ALKBH4: variants seen among roughly 807,000 people sequenced by gnomAD.
ALKBH4 encodes the protein alpha-ketoglutarate-dependent dioxygenase alkB homolog 4.
In ALKBH4, 8 loss-of-function variants were observed where a neutral mutation model predicts 12.1. The ratio of observed to expected loss-of-function variants is 0.66; its 90% CI spans 0.39 to 1.19. The LOEUF is 1.19. ALKBH4 is among the 50% of genes most tolerant of loss of function. ALKBH4 has a pLI of 0.01. For synonymous variants in ALKBH4, 195 were observed against 191.6 expected (o/e 1.02, Z -0.15); for missense variants, 403 against 430.4 (o/e 0.94, Z 0.56).
chr7:102,464,694 GC>G lies in ALKBH4; in HGVS notation c.123+19del. ...ATGCAGAGCGACGTTTGTGGGCGCGGCCCCTCTCCCACCCCTTACCGCTGGG... is the reference window on the plus strand; with the variant it reads ...ATGCAGAGCGACGTTTGTGGGCGCGGCCCTCTCCCACCCCTTACCGCTGGG... On this transcript the variant is annotated intron_variant, in intron 1 of 2. Transcript: ENST00000292566. The G allele has an allele frequency of 6.7e-7, 1 of 1,501,922 alleles. No individual in the cohort carries two copies. The highest frequency in any genetic ancestry group is 8.9e-7 in the Non-Finnish European group (1 of 1,128,238). The allele number at this position is 1,501,922 out of a possible 1,614,324, so 93.0% of individuals were successfully genotyped here. A position where few individuals can be genotyped will look rare whatever the true frequency, so the allele number is the denominator to read the frequency against.
Position 102,459,717 on chromosome 7 carries a change from A to T in ALKBH4, c.208T>A (p.Phe70Ile). 6.2e-7 allele frequency: 1 copy of T among 1,614,126 alleles called. No individual in the cohort carries two copies. Among genetic ancestry groups the T allele is most frequent in the Non-Finnish European group, 8.5e-7 (1 of 1,179,994 alleles). The change falls in exon 2 of 3, where the codon TTC becomes ATC. Residue 70 changes from phenylalanine (F) to isoleucine (I), a missense_variant. Coordinates refer to ENST00000292566, the MANE Select transcript of ALKBH4 (RefSeq NM_017621.4). ...TCCTCGATCAGCATCACTCCTGGGA[A>T]GGGGAAGGCCCAGCCCTCAAAGTCA... is the stretch of plus-strand genomic sequence containing the variant. ...ESDFEGWAFP[F>I]PGVMLIEDFV...
chr7:102,457,418 G>C lies in ALKBH4; in HGVS notation c.885C>G (p.Leu295=). Residue 295 remains leucine, a synonymous_variant, in exon 3 of 3, where the codon CTC becomes CTG. Coordinates refer to ENST00000292566, the MANE Select transcript of ALKBH4 (RefSeq NM_017621.4). The surrounding 1 kb of genome is among the most constrained non-coding windows in gnomAD (Gnocchi z 5.9). The part of the protein sequence containing the change: ...ELGQELLRIA[L]SFQGRPV ...TTCACACGGGTCTTCCCTGGAAGGA[G>C]AGGGCGATCCGCAGCAGTTCCTGGC... 6.2e-7 allele frequency: 1 copy of C among 1,612,522 alleles called. No homozygotes were observed. Among genetic ancestry groups the C allele is most frequent in the East Asian group, 2.2e-5 (1 of 44,836 alleles).
rs1797655838 is a variant in ALKBH4 at position 102,456,608 on chromosome 7, C to T, written c.*786G>A. The T allele has an allele frequency of 6.6e-6, 1 of 152,144 alleles. No homozygotes were observed. The highest frequency in any genetic ancestry group is 1.5e-5 in the Non-Finnish European group (1 of 68,042). The allele number at this position is 152,144 out of a possible 1,614,324, so 9.4% of individuals were successfully genotyped here. A position where few individuals can be genotyped will look rare whatever the true frequency, so the allele number is the denominator to read the frequency against. On this transcript the variant is annotated 3_prime_UTR_variant, in exon 3 of 3. Transcript: ENST00000292566. ...GGAAGGAGGCTCTCAGATTTCCCTGCCCTCCTCACATCCCCCAACCCTCCC... is the reference window on the plus strand; with the variant it reads ...GGAAGGAGGCTCTCAGATTTCCCTGTCCTCCTCACATCCCCCAACCCTCCC...
chr7:102,464,746 C>T lies in ALKBH4; in HGVS notation c.91G>A (p.Gly31Ser). The change falls in exon 1 of 3, where the codon GGC becomes AGC. Residue 31 changes from glycine (G) to serine (S), a missense_variant. Gly to Ser is a moderately conservative substitution (Grantham distance 56, BLOSUM62 0). Transcript: ENST00000292566. ...RTCLICERQR[G>S]SDPPWELPPA... The stretch of plus-strand genomic sequence containing the variant: ...GGCAGCTCCCAGGGCGGGTCACTGC[C>T]GCGCTGCCGCTCGCAGATCAGACAG... 11 of 1,570,184 alleles carry T rather than the reference C, an allele frequency of 7.0e-6. No homozygotes were observed. The highest frequency in any genetic ancestry group is 1.2e-5 in the South Asian group (1 of 86,778).
In ALKBH4 at chr7:102,457,143, A is replaced by T; in HGVS notation, c.*251T>A. On this transcript the variant is annotated 3_prime_UTR_variant, in exon 3 of 3. Coordinates refer to ENST00000292566, the MANE Select transcript of ALKBH4 (RefSeq NM_017621.4). This position sits in a 1 kb window ranked among gnomAD's most constrained non-coding sequence, Gnocchi z 5.9. ...TGTGCCCGGCCCCCAGTATTTTTTA[A>T]GCTCAAATGATCCCATGTCCCCAAG... 2.2e-6 allele frequency: 1 copy of T among 448,016 alleles called. No individual in the cohort carries two copies. Among genetic ancestry groups the T allele is most frequent in the Non-Finnish European group, 4.0e-6 (1 of 251,038 alleles). 27.8% of individuals were successfully genotyped at this position (448,016 alleles called of 1,614,324 possible).
At chr7:102,459,485 G>A (rs1359031792) in intron 2 of ALKBH4, 119 bp downstream of exon 2, 12 of 1,284,706 alleles carry the variant, frequency 9.3e-6, no homozygotes, top group African/African-American at 4.5e-5. Context: ...TGGGGAACTC[G>A]CCCACTACCA....
chr7:102,462,374 C>CT (rs113479086), intron 1 of ALKBH4, among the ~76,000 whole-genome samples: 13,887 of 151,180 alleles, frequency 0.092, 1,219 homozygotes, highest in East Asian at 0.45. Context: ...TTTTTCTTTT[C>CT]TTTTTTTTTG....
rs55981184 is a variant in ALKBH4, at chr7:102,459,243, G to C, written c.321+361C>G. ...AGGAGTTGGAGGGAGCGGCGGGCCCGGGGAGGGGGAAGGTGGGAATGCGTG... is the reference window on the plus strand; with the variant it reads ...AGGAGTTGGAGGGAGCGGCGGGCCCCGGGAGGGGGAAGGTGGGAATGCGTG... On this transcript the variant is annotated intron_variant, in intron 2 of 2. Coordinates refer to ENST00000292566, the MANE Select transcript of ALKBH4 (RefSeq NM_017621.4). Among the ~76,000 whole-genome samples the C allele has an allele frequency of 7.3e-5, 11 of 151,418 alleles. No homozygotes were observed. In the East Asian group the frequency reaches 1.9e-3, roughly 27 times the overall value.
intron 1 of ALKBH4, among the ~76,000 whole-genome samples, chr7:102,462,105 G>C (rs956500253): frequency 6.6e-6 from 1 of 152,192 alleles, no homozygotes; most frequent in African/African-American, 2.4e-5. Context: ...CCCGTGTGTC[G>C]GCTGAGCAGG....
chr7:102,456,642 G>T lies in ALKBH4; in HGVS notation c.*752C>A, dbSNP rs1202119386. On this transcript the variant is annotated 3_prime_UTR_variant, in exon 3 of 3. Coordinates refer to ENST00000292566, the MANE Select transcript of ALKBH4 (RefSeq NM_017621.4). ...CATCCCCCAACCCTCCCTGGGCGTG[G>T]GGGTGTCAAGCATGAGTCAGGCTGA... The T allele has an allele frequency of 6.6e-6, 1 of 152,176 alleles. No homozygotes were observed. The highest frequency in any genetic ancestry group is 2.4e-5 in the African/African-American group (1 of 41,446). 9.4% of individuals were successfully genotyped at this position (152,176 alleles called of 1,614,324 possible).
rs1210298433 is a variant in ALKBH4, at chr7:102,457,498, T to C, written c.805A>G (p.Thr269Ala). The C allele has an allele frequency of 1.9e-6, 3 of 1,613,234 alleles. No individual in the cohort carries two copies. Among genetic ancestry groups the C allele is most frequent in the African/African-American group, 2.7e-5 (2 of 74,882 alleles). The change falls in exon 3 of 3, where the codon ACT (threonine) becomes GCT (alanine). Residue 269 changes from threonine to alanine, a missense_variant. Physicochemically the swap from Thr to Ala is moderately conservative, Grantham distance 58. Coordinates refer to ENST00000292566, the MANE Select transcript of ALKBH4 (RefSeq NM_017621.4). This position sits in a 1 kb window ranked among gnomAD's most constrained non-coding sequence, Gnocchi z 5.9. ...AACTCAGCCGACAGCTCCCGGAAAG[T>C]GACGCAGACGCGGCGGGCCTCGATG... is the stretch of plus-strand genomic sequence containing the variant. Reference protein sequence around the residue: ...RHIEARRVCVTFRELSAEFGP... With the variant: ...RHIEARRVCVAFRELSAEFGP...
In ALKBH4 at chr7:102,456,891, T is replaced by A. The variant is rs899457330; in HGVS notation, c.*503A>T. On this transcript the variant is annotated 3_prime_UTR_variant, in exon 3 of 3. Transcript: ENST00000292566. ...TCACCGAGGCTGGAGTGCAGTGGCG[T>A]GATCTTGGCTCACTGCAACCTCCGC... 2.0e-5 allele frequency: 3 copies of A among 152,470 alleles called. No homozygotes were observed. The highest frequency in any genetic ancestry group is 7.3e-5 in the African/African-American group (3 of 41,320). 9.4% of individuals were successfully genotyped at this position (152,470 alleles called of 1,614,324 possible). A position where few individuals can be genotyped will look rare whatever the true frequency, so the allele number is the denominator to read the frequency against.
At chr7:102,460,869 G>A (rs1161286331) in intron 1 of ALKBH4, among the ~76,000 whole-genome samples, 3 of 152,152 alleles carry the variant, frequency 2.0e-5, no homozygotes, top group Admixed American at 6.6e-5. Flanking sequence ...GCTCCTCAGT[G>A]TCCCAACCTC....
In ALKBH4 at chr7:102,457,922, G is replaced by A. The variant is rs745351333; in HGVS notation, c.381C>T (p.Gly127=). The change falls in exon 3 of 3, where the codon GGC becomes GGT. Residue 127 remains glycine (G), a synonymous_variant. Coordinates refer to ENST00000292566, the MANE Select transcript of ALKBH4 (RefSeq NM_017621.4). The surrounding 1 kb of genome is among the most constrained non-coding windows in gnomAD (Gnocchi z 5.9). ...KQKLKTEGFC[G]LPSFSREVVR... ...CCACCTCCCGGCTGAAGCTGGGGAG[G>A]CCGCAGAAGCCCTCGGTCTTTAGCT... 2.2e-5 allele frequency: 35 copies of A among 1,613,300 alleles called. No individual in the cohort carries two copies. Among genetic ancestry groups the A allele is most frequent in the Non-Finnish European group, 2.9e-5 (34 of 1,179,942 alleles).
chr7:102,462,801 C>G (rs781599710), intron 1 of ALKBH4, among the ~76,000 whole-genome samples: 3 of 152,190 alleles, frequency 2.0e-5, no homozygotes, highest in Non-Finnish European at 4.4e-5. Flanking sequence ...CCTTCCTGAG[C>G]CCTTGGCAAC....
At chr7:102,462,467 A>T (rs1480038451) in intron 1 of ALKBH4, among the ~76,000 whole-genome samples, 1 of 152,060 alleles carries the variant, frequency 6.6e-6, no homozygotes, top group Non-Finnish European at 1.5e-5. Flanking sequence ...TCCTGGGCTC[A>T]GGCAATCCTC....
Position 102,464,699 on chromosome 7 carries a change from T to C in ALKBH4, c.123+15A>G, listed in dbSNP as rs1464464054. On this transcript the variant is annotated intron_variant, in intron 1 of 2. Coordinates refer to ENST00000292566, the MANE Select transcript of ALKBH4 (RefSeq NM_017621.4). ...GAGCGACGTTTGTGGGCGCGGCCCCTCTCCCACCCCTTACCGCTGGGGGCA... is the reference window on the plus strand; with the variant it reads ...GAGCGACGTTTGTGGGCGCGGCCCCCCTCCCACCCCTTACCGCTGGGGGCA... The C allele has an allele frequency of 2.0e-6, 3 of 1,505,092 alleles. No homozygotes were observed. The highest frequency in any genetic ancestry group is 1.5e-5 in the African/African-American group (1 of 68,286). 93.2% of individuals were successfully genotyped at this position (1,505,092 alleles called of 1,614,324 possible).
chr7:102,457,817 C>A lies in ALKBH4; in HGVS notation c.486G>T (p.Arg162=). Residue 162 remains arginine, a synonymous_variant, in exon 3 of 3, where the codon CGG becomes CGT. Transcript: ENST00000292566. The surrounding 1 kb of genome is among the most constrained non-coding windows in gnomAD (Gnocchi z 5.9). ...EQCNLDYCPE[R]GSAIDPHLDD... ...CCAGGTGGGGGTCAATGGCAGAGCCCCGCTCGGGGCAGTAGTCCAGGTTGC... is the reference window on the plus strand; with the variant it reads ...CCAGGTGGGGGTCAATGGCAGAGCCACGCTCGGGGCAGTAGTCCAGGTTGC... The A allele has an allele frequency of 6.2e-7, 1 of 1,609,428 alleles. No individual in the cohort carries two copies. The highest frequency in any genetic ancestry group is 8.5e-7 in the Non-Finnish European group (1 of 1,179,544).
chr7:102,458,391 A>C (rs1263066722), intron 2 of ALKBH4, among the ~76,000 whole-genome samples: 1 of 152,088 alleles, frequency 6.6e-6, no homozygotes, highest in African/African-American at 2.4e-5. Context: ...GCAACACAGC[A>C]AAACTCTGTC....
Sources: allele counts gnomAD v4.1 joint callset (sites outside exome capture counted in the v4.1 genomes callset), GRCh38; gene constraint gnomAD v4.1.1; non-coding constraint Gnocchi (gnomAD v3.1); transcripts MANE v1.5; gene names NCBI Gene and HGNC (gene_info 2026-07-23, HGNC 2026-07-21).